The following KALRN variants were observed in gnomAD, a reference collection of about 807,000 sequenced individuals.
KALRN encodes kalirin RhoGEF kinase, also known as kalirin.
Under a neutral mutation model 353.7 loss-of-function variants are expected in KALRN, and 70 were observed. The observed-to-expected ratio is 0.20, with a 90% confidence interval of 0.16 to 0.24. The LOEUF (loss-of-function observed/expected upper bound fraction) is 0.24. Ranked by LOEUF, KALRN falls within the 10% of genes least tolerant of loss-of-function variation. KALRN has a pLI of 1.00. For missense variants in KALRN, 2,791 were observed against 3,756.7 expected (o/e 0.74, Z 6.72); for synonymous variants, 1,391 against 1,434.8 (o/e 0.97, Z 0.69).
intron 18 of KALRN, among the ~76,000 whole-genome samples, 155 bp downstream of exon 18, chr3:124,439,192 T>TCA (rs1247427267): frequency 3.1e-5 from 2 of 64,888 alleles, no homozygotes; most frequent in African/African-American, 1.3e-4. Flanking sequence ...TCTCCTTCTC[T>TCA]CTCTCTCTCA....
chr3:124,134,033 A>G (rs953232269), intron 1 of KALRN, among the ~76,000 whole-genome samples: 2 of 152,180 alleles, frequency 1.3e-5, no homozygotes, highest in African/African-American at 4.8e-5. Flanking sequence ...AATCAATTCT[A>G]AAATTCATTT....
intron 33 of KALRN, among the ~76,000 whole-genome samples, chr3:124,521,511 T>C (rs2067156971): frequency 6.6e-6 from 1 of 152,164 alleles, no homozygotes; most frequent in Non-Finnish European, 1.5e-5. Flanking sequence ...CTTAAACTGT[T>C]TTCCCTACCC....
intron 3 of KALRN, among the ~76,000 whole-genome samples, chr3:124,250,538 C>G (rs1036120560): frequency 6.6e-6 from 1 of 152,226 alleles, no homozygotes; most frequent in Non-Finnish European, 1.5e-5. Flanking sequence ...CTCCTTGTGT[C>G]TTACAGTGGG....
chr3:124,269,994 A>G (rs1346206849), intron 5 of KALRN, among the ~76,000 whole-genome samples: 2 of 152,220 alleles, frequency 1.3e-5, no homozygotes, highest in East Asian at 3.8e-4. Context: ...GAATTTTCAA[A>G]GCTTTCCCCT....
At chr3:124,240,180 A>G (rs1454875713) in intron 3 of KALRN, among the ~76,000 whole-genome samples, 1 of 152,214 alleles carries the variant, frequency 6.6e-6, no homozygotes, top group East Asian at 1.9e-4. Flanking sequence ...CTGCTAGGAA[A>G]CATAAAGCCA....
intron 5 of KALRN, among the ~76,000 whole-genome samples, chr3:124,296,983 G>GT (rs1240095261): frequency 6.6e-6 from 1 of 152,104 alleles, no homozygotes; most frequent in South Asian, 2.1e-4. Flanking sequence ...ATCAGTAGAT[G>GT]TTTTTTTGAG....
chr3:124,609,777 T>C (rs2077728004), intron 34 of KALRN, among the ~76,000 whole-genome samples: 2 of 152,218 alleles, frequency 1.3e-5, no homozygotes, highest in Non-Finnish European at 2.9e-5. Context: ...CCATTTATTG[T>C]CATATAATAA....
chr3:124,567,593 C>T (rs1270270986), intron 34 of KALRN, among the ~76,000 whole-genome samples: 2 of 152,280 alleles, frequency 1.3e-5, no homozygotes, highest in South Asian at 2.1e-4. Flanking sequence ...TCCTGCCTTT[C>T]CACAGGCCCC....
At chr3:124,563,357 G>A (rs1234996399) in intron 34 of KALRN, among the ~76,000 whole-genome samples, 1 of 152,184 alleles carries the variant, frequency 6.6e-6, no homozygotes, top group African/African-American at 2.4e-5. Context: ...TAACCTCCAA[G>A]ATCTCTTCCA....
intron 28 of KALRN, among the ~76,000 whole-genome samples, chr3:124,485,998 A>C (rs2062526658): frequency 6.6e-6 from 1 of 152,254 alleles, no homozygotes; most frequent in Non-Finnish European, 1.5e-5. Context: ...ATTTATTTTC[A>C]TAAAGTCAGT....
chr3:124,398,469 A>G (rs776951640), intron 12 of KALRN, among the ~76,000 whole-genome samples: 7 of 152,186 alleles, frequency 4.6e-5, no homozygotes, highest in Admixed American at 6.5e-5. Flanking sequence ...GAGAACAACT[A>G]GTCTTGGAAA....
At chr3:124,586,893 G>A (rs535191983) in intron 34 of KALRN, among the ~76,000 whole-genome samples, 1 of 152,306 alleles carries the variant, frequency 6.6e-6, no homozygotes, top group Admixed American at 6.5e-5. Flanking sequence ...TAGGCTGGGG[G>A]TCGTGTCTGA....
chr3:124,326,546 G>A (rs1241411798), intron 7 of KALRN, among the ~76,000 whole-genome samples: 1 of 152,202 alleles, frequency 6.6e-6, no homozygotes, highest in East Asian at 1.9e-4. Context: ...GGTGCTGAGA[G>A]CAGGGGAAAC....
chr3:124,288,220 A>C (rs2076123863), intron 5 of KALRN, among the ~76,000 whole-genome samples: 1 of 152,200 alleles, frequency 6.6e-6, no homozygotes, highest in Admixed American at 6.5e-5. Context: ...GTTCTAAATT[A>C]AGGCTATGTT....
chr3:124,085,438 A>G (rs1203001914), intron 1 of KALRN, among the ~76,000 whole-genome samples: 3 of 152,228 alleles, frequency 2.0e-5, no homozygotes, highest in Non-Finnish European at 4.4e-5. Flanking sequence ...TGGAGAACCC[A>G]TCCTGACTCT....
At chr3:124,402,564 G>A (rs1412333921) in intron 13 of KALRN, among the ~76,000 whole-genome samples, 1 of 151,976 alleles carries the variant, frequency 6.6e-6, no homozygotes, top group Admixed American at 6.6e-5. Flanking sequence ...TATACAATTA[G>A]GATAATCAGA....
At chr3:124,639,379 T>G (rs1473474624) in intron 37 of KALRN, among the ~76,000 whole-genome samples, 1 of 152,338 alleles carries the variant, frequency 6.6e-6, no homozygotes, top group African/African-American at 2.4e-5. Flanking sequence ...ATCGTAATGA[T>G]TTCATTTGCG....
intron 23 of KALRN, among the ~76,000 whole-genome samples, chr3:124,458,618 A>T (rs1434857906): frequency 1.3e-5 from 2 of 152,222 alleles, no homozygotes; most frequent in African/African-American, 2.4e-5. Flanking sequence ...AAAAATGAAG[A>T]TAACATAATT....
chr3:124,370,792 T>A (rs1218343496), intron 10 of KALRN, among the ~76,000 whole-genome samples: 1 of 152,234 alleles, frequency 6.6e-6, no homozygotes, highest in African/African-American at 2.4e-5. Flanking sequence ...TGCTCTACTT[T>A]AATTTTTCAG....
Sources: gnomAD v4.1 joint callset for allele counts (sites outside exome capture counted in the v4.1 genomes callset) on GRCh38, gnomAD v4.1.1 for gene constraint, MANE v1.5 for transcripts, NCBI Gene and HGNC (gene_info 2026-07-23, HGNC 2026-07-21) for gene names.